Variants in SSBP3 observed in about 807,000 individuals in gnomAD.
The protein encoded by SSBP3 is single stranded DNA binding protein 3, also known as single-stranded DNA-binding protein 3.
In SSBP3, 5 loss-of-function variants were observed where a neutral mutation model predicts 69.6. That is an observed-to-expected ratio of 0.07 (90% CI 0.04 to 0.15). The LOEUF (loss-of-function observed/expected upper bound fraction) is 0.15. SSBP3 is among the 10% of genes least tolerant of loss of function. SSBP3 has a pLI of 1.00. For missense variants in SSBP3, 312 were observed against 534.0 expected (o/e 0.58, Z 4.10); for synonymous variants, 196 against 193.4 (o/e 1.01, Z -0.11).
chr1:54,264,850 G>A (rs537169557), intron 5 of SSBP3, among the ~76,000 whole-genome samples: 1 of 152,328 alleles, frequency 6.6e-6, no homozygotes, highest in East Asian at 1.9e-4. Flanking sequence ...CGTCCCTCCT[G>A]ACTCCTAGGA....
intron 4 of SSBP3, among the ~76,000 whole-genome samples, chr1:54,371,498 G>A (rs1647133247): frequency 6.6e-6 from 1 of 152,170 alleles, no homozygotes; most frequent in African/African-American, 2.4e-5. Context: ...CTGTGACACG[G>A]GCACAGGAAT....
chr1:54,255,158 C>CGGGGG (rs34404422), intron 7 of SSBP3, among the ~76,000 whole-genome samples: 2 of 63,398 alleles, frequency 3.2e-5, no homozygotes, highest in African/African-American at 1.0e-4. Context: ...TGCGGGGGGG[C>CGGGGG]GGGGGGGGGG....
intron 4 of SSBP3, among the ~76,000 whole-genome samples, chr1:54,354,529 C>T (rs1008831059): frequency 1.6e-4 from 24 of 152,130 alleles, no homozygotes; most frequent in Admixed American, 1.4e-3. Flanking sequence ...TGGTTCTCGG[C>T]GTTCACATCT....
At chr1:54,380,603 G>A (rs1217521543) in intron 4 of SSBP3, among the ~76,000 whole-genome samples, 1 of 152,206 alleles carries the variant, frequency 6.6e-6, no homozygotes, top group Non-Finnish European at 1.5e-5. Context: ...ACGGCCCATC[G>A]TGGTCCCAGC....
intron 5 of SSBP3, among the ~76,000 whole-genome samples, chr1:54,267,892 G>A (rs1478217871): frequency 1.3e-5 from 2 of 152,088 alleles, no homozygotes; most frequent in East Asian, 3.9e-4. Flanking sequence ...TGCACAGCCA[G>A]CTCTCTTTAT....
intron 4 of SSBP3, among the ~76,000 whole-genome samples, chr1:54,384,232 T>C (rs1485498376): frequency 6.6e-6 from 1 of 152,142 alleles, no homozygotes; most frequent in Non-Finnish European, 1.5e-5. Flanking sequence ...CACACACCTC[T>C]GAGGACACTT....
intron 4 of SSBP3, among the ~76,000 whole-genome samples, chr1:54,351,357 C>T (rs771005858): frequency 1.2e-4 from 18 of 152,174 alleles, no homozygotes; most frequent in Admixed American, 3.3e-4. Context: ...AGCAATTATA[C>T]CCCATTCCCA....
At chr1:54,390,589 A>C (rs1304774364) in intron 4 of SSBP3, among the ~76,000 whole-genome samples, 5 of 152,226 alleles carry the variant, frequency 3.3e-5, no homozygotes, top group Non-Finnish European at 5.9e-5. Context: ...GCGGTATTTA[A>C]AGTGGCAGCC....
chr1:54,338,546 T>C (rs1189889816), intron 4 of SSBP3, among the ~76,000 whole-genome samples: 2 of 152,186 alleles, frequency 1.3e-5, no homozygotes, highest in East Asian at 1.9e-4. Flanking sequence ...CAGCCAACTA[T>C]TCAGGGTAAC....
At chr1:54,401,888 T>C in exon 4 of SSBP3, 1 of 1,614,030 alleles carries the variant, frequency 6.2e-7, no homozygotes, top group Non-Finnish European at 8.5e-7. Context: ...TTGCTTCACT[T>C]GAATGTTCAC....
chr1:54,376,125 C>T (rs1434163680), intron 4 of SSBP3, among the ~76,000 whole-genome samples: 1 of 151,794 alleles, frequency 6.6e-6, no homozygotes, highest in Non-Finnish European at 1.5e-5. Flanking sequence ...CACTCCTGGA[C>T]CCCCTCCTCC....
intron 7 of SSBP3, among the ~76,000 whole-genome samples, chr1:54,256,916 A>G (rs1176697491): frequency 1.3e-5 from 2 of 152,156 alleles, no homozygotes; most frequent in East Asian, 3.9e-4. Flanking sequence ...GGCTGTCCAA[A>G]GGGCCATCTG....
chr1:54,312,195 G>A (rs1177208443), intron 4 of SSBP3, among the ~76,000 whole-genome samples: 1 of 151,954 alleles, frequency 6.6e-6, no homozygotes, highest in Admixed American at 6.6e-5. Context: ...TTTGGGAGGC[G>A]GGGGATCAGT....
At chr1:54,361,045 G>A (rs1384865193) in intron 4 of SSBP3, among the ~76,000 whole-genome samples, 1 of 152,006 alleles carries the variant, frequency 6.6e-6, no homozygotes, top group African/African-American at 2.4e-5. Context: ...AGCTATGACT[G>A]TACCACTGCA....
chr1:54,272,598 T>C (rs1375195846), intron 5 of SSBP3, among the ~76,000 whole-genome samples: 1 of 150,766 alleles, frequency 6.6e-6, no homozygotes, highest in Non-Finnish European at 1.5e-5. Context: ...AAAACAAAAA[T>C]ACTCTCCAGC....
intron 4 of SSBP3, among the ~76,000 whole-genome samples, chr1:54,389,049 C>G (rs554934640): frequency 6.6e-6 from 1 of 152,182 alleles, no homozygotes; most frequent in Non-Finnish European, 1.5e-5. Context: ...CTAGAAGAAT[C>G]GGGTCTGCCT....
chr1:54,328,544 G>A (rs577162876), intron 4 of SSBP3, among the ~76,000 whole-genome samples: 3 of 152,264 alleles, frequency 2.0e-5, no homozygotes, highest in Admixed American at 6.5e-5. Context: ...AGCAGCTCTC[G>A]CTCAGGCTCC....
Position 54,267,290 on chromosome 1 carries a change from G to A in SSBP3, c.367-9141C>T, listed in dbSNP as rs370370220. On this transcript the variant is annotated intron_variant, in intron 5 of 17. Transcript: ENST00000610401. ...ACAGGGCACTCTTTTCAAGAACACA[G>A]CCCAATATCCATAACATATGTGCAG... Among the ~76,000 whole-genome samples the A allele has an allele frequency of 8.5e-5, 13 of 152,290 alleles. No individual in the cohort carries two copies. In the South Asian group the frequency reaches 1.9e-3, roughly 22 times the overall value.
intron 9 of SSBP3, among the ~76,000 whole-genome samples, chr1:54,249,145 G>C (rs1644782789): frequency 6.6e-6 from 1 of 152,192 alleles, no homozygotes; most frequent in African/African-American, 2.4e-5. Flanking sequence ...ACCACACCCA[G>C]AGGAAGTCCT....
Sources: gnomAD v4.1 joint callset for allele counts (sites outside exome capture counted in the v4.1 genomes callset) on GRCh38, gnomAD v4.1.1 for gene constraint, MANE v1.5 for transcripts, NCBI Gene and HGNC (gene_info 2026-07-23, HGNC 2026-07-21) for gene names.